Variants in LOXHD1 observed in about 807,000 individuals in gnomAD.
The protein encoded by LOXHD1 is lipoxygenase homology PLAT domains 1, also known as lipoxygenase homology domain-containing protein 1.
In LOXHD1, 205 loss-of-function variants were observed where a neutral mutation model predicts 248.2. The observed-to-expected ratio is 0.83, with a 90% CI of 0.74 to 0.93. LOXHD1 has a LOEUF of 0.93. Ranked by LOEUF, LOXHD1 falls within the 40% of genes least tolerant of loss-of-function variation. LOXHD1 has a pLI of 0.00. For missense variants in LOXHD1, 2,930 were observed against 2,971.6 expected (o/e 0.99, Z 0.33); for synonymous variants, 1,113 against 1,162.8 (o/e 0.96, Z 0.87).
At chr18:46,563,288 A>T in intron 17 of LOXHD1, 63 bp from the exon 18 acceptor site, 1 of 1,408,492 alleles carries the variant, frequency 7.1e-7, no homozygotes. Flanking sequence ...AATGATAGTA[A>T]CAAAACAAAC....
chr18:46,550,662 G>A (rs1175159286), intron 21 of LOXHD1, among the ~76,000 whole-genome samples: 3 of 147,258 alleles, frequency 2.0e-5, no homozygotes, highest in Non-Finnish European at 3.0e-5. Context: ...AGAAGCATAT[G>A]TTGAGGAAAA....
chr18:46,531,690 C>T (rs1031891635), intron 28 of LOXHD1, among the ~76,000 whole-genome samples: 2 of 152,220 alleles, frequency 1.3e-5, no homozygotes, highest in African/African-American at 2.4e-5. Context: ...CCTCCCTCCC[C>T]GTCCCACCCA....
At chr18:46,634,142 A>C in intron 4 of LOXHD1, among the ~76,000 whole-genome samples, 1 of 152,252 alleles carries the variant, frequency 6.6e-6, no homozygotes, top group East Asian at 1.9e-4. Flanking sequence ...TGTTCATAGC[A>C]GCATTAATCA....
chr18:46,568,805 T>C lies in LOXHD1; in HGVS notation c.2244+637A>G, dbSNP rs1473048846. ...AAGTTGGGTTCAGTTCACACTGGCC[T>C]CTTTTCCTGATGGCAGTGGTAGATT... On this transcript the variant is annotated intron_variant, in intron 16 of 40. Coordinates refer to ENST00000642948, the MANE Select transcript of LOXHD1 (RefSeq NM_001384474.1). 1.6e-4 allele frequency among the ~76,000 whole-genome samples: 24 copies of C among 152,214 alleles called. 1 individual carries two copies. Among genetic ancestry groups the C allele is most frequent in the Admixed American group, 1.5e-3 (23 of 15,276 alleles).
chr18:46,656,977 G>C lies in LOXHD1; in HGVS notation c.57C>G (p.Tyr19Ter), dbSNP rs1175936301. The change falls in exon 1 of 41, where the codon TAC (tyrosine) becomes TAG (stop). Residue 19 changes from tyrosine (Y) to a stop codon, truncating the protein, a stop_gained. Transcript: ENST00000642948. LOFTEE classifies it high-confidence loss of function. ...AGGCGTAGTTCAGCAGCTCCGCTTC[G>C]TACAGGGCCAGGAAGTCGATGTCCT... ...RKKDIDFLAL[Y>*]EAELLNYASE... 3 of 1,551,640 alleles carry C rather than the reference G, an allele frequency of 1.9e-6. No homozygotes were observed. Among genetic ancestry groups the C allele is most frequent in the South Asian group, 1.2e-5 (1 of 84,052 alleles).
intron 4 of LOXHD1, among the ~76,000 whole-genome samples, chr18:46,629,446 C>T (rs1400303353): frequency 6.6e-6 from 1 of 152,142 alleles, no homozygotes; most frequent in Non-Finnish European, 1.5e-5. Flanking sequence ...TTTGCATTTG[C>T]ACTATGCAGT....
intron 37 of LOXHD1, among the ~76,000 whole-genome samples, chr18:46,503,655 G>T (rs2034377070): frequency 6.6e-6 from 1 of 152,186 alleles, no homozygotes; most frequent in Admixed American, 6.5e-5. Flanking sequence ...GAGGAGAGGT[G>T]CATTAAGGAT....
At position 46,522,263 on chromosome 18, in the gene LOXHD1, C is replaced by T. The variant is rs761707142; in HGVS notation, c.4923G>A (p.Ala1641=). Residue 1641 remains alanine (A), a synonymous_variant, in exon 32 of 41, where the codon GCG becomes GCA. Transcript: ENST00000642948. ...VSVTTGKHKD[A]ATDSRAFIFL... is the part of the protein sequence containing the mutation. ...AGATGAAGGCTCGGCTGTCAGTGGCCGCGTCCTTGTGCTTCCCAGTGGTGA... is the reference window on the plus strand; with the variant it reads ...AGATGAAGGCTCGGCTGTCAGTGGCTGCGTCCTTGTGCTTCCCAGTGGTGA... The T allele has an allele frequency of 4.6e-5, 72 of 1,551,666 alleles. No homozygotes were observed. Among genetic ancestry groups the T allele is most frequent in the Non-Finnish European group, 5.3e-5 (61 of 1,147,014 alleles).
intron 25 of LOXHD1, among the ~76,000 whole-genome samples, chr18:46,540,142 A>G (rs1314844176): frequency 6.6e-6 from 1 of 152,242 alleles, no homozygotes; most frequent in East Asian, 1.9e-4. Flanking sequence ...TACAAATGAG[A>G]AAACCAAGGC....
intron 18 of LOXHD1, among the ~76,000 whole-genome samples, chr18:46,562,423 G>C (rs1476375503): frequency 6.6e-6 from 1 of 152,106 alleles, no homozygotes; most frequent in Non-Finnish European, 1.5e-5. Context: ...TTCTCCTAAG[G>C]GGCGCCACCC....
intron 1 of LOXHD1, among the ~76,000 whole-genome samples, chr18:46,655,537 C>T (rs1238485082): frequency 6.6e-6 from 1 of 152,192 alleles, no homozygotes; most frequent in Non-Finnish European, 1.5e-5. Context: ...CTCCCAGCCC[C>T]TCCCCTCACA....
chr18:46,629,581 G>C (rs1397118922), intron 4 of LOXHD1, among the ~76,000 whole-genome samples: 3 of 151,988 alleles, frequency 2.0e-5, no homozygotes, highest in Admixed American at 6.6e-5. Context: ...CGCCCAACAT[G>C]GTCATGTCAA....
intron 28 of LOXHD1, among the ~76,000 whole-genome samples, chr18:46,532,319 G>A (rs2036107122): frequency 6.6e-6 from 1 of 152,216 alleles, no homozygotes; most frequent in African/African-American, 2.4e-5. Context: ...ATAACATGGG[G>A]ATTGACATGG....
chr18:46,540,494 G>T (rs1568159353), intron 25 of LOXHD1, among the ~76,000 whole-genome samples: 1 of 152,144 alleles, frequency 6.6e-6, no homozygotes, highest in Non-Finnish European at 1.5e-5. Flanking sequence ...GGAAAGCCTT[G>T]AACAGAAAAG....
chr18:46,501,072 TG>T (rs1375944617), intron 37 of LOXHD1, among the ~76,000 whole-genome samples: 1 of 152,226 alleles, frequency 6.6e-6, no homozygotes, highest in Non-Finnish European at 1.5e-5. Flanking sequence ...CTCCCTACTC[TG>T]TCCCTAGCAC....
At chr18:46,608,593 G>A (rs9949443) in intron 6 of LOXHD1, among the ~76,000 whole-genome samples, 3,567 of 152,140 alleles carry the variant, frequency 0.023, 132 homozygotes, top group East Asian at 0.073. Flanking sequence ...TCCTCTCCCC[G>A]CTTTGCCCAG....
chr18:46,519,659 A>G (rs1412955894), intron 33 of LOXHD1, among the ~76,000 whole-genome samples: 2 of 152,180 alleles, frequency 1.3e-5, no homozygotes, highest in African/African-American at 4.8e-5. Flanking sequence ...AGGCATAAAA[A>G]ATAGAATGAT....
intron 16 of LOXHD1, among the ~76,000 whole-genome samples, chr18:46,568,983 G>A (rs2037697202): frequency 6.6e-6 from 1 of 152,156 alleles, no homozygotes; most frequent in Admixed American, 6.5e-5. Context: ...GCCCAGAAGT[G>A]TGCACTGAAA....
At chr18:46,615,102 G>C (rs965848695) in intron 5 of LOXHD1, among the ~76,000 whole-genome samples, 1 of 152,124 alleles carries the variant, frequency 6.6e-6, no homozygotes, top group East Asian at 1.9e-4. Flanking sequence ...ATAAGGCTTG[G>C]ACCCCAGCCT....
Sources: gnomAD v4.1 joint callset for allele counts (sites outside exome capture counted in the v4.1 genomes callset) on GRCh38, gnomAD v4.1.1 for gene constraint, MANE v1.5 for transcripts, NCBI Gene and HGNC (gene_info 2026-07-23, HGNC 2026-07-21) for gene names.